Variants in GRB14 observed in about 807,000 individuals in gnomAD.
GRB14 encodes growth factor receptor bound protein 14, also known as growth factor receptor-bound protein 14.
Under a neutral mutation model 69.1 loss-of-function variants are expected in GRB14, and 38 were observed. That is an observed-to-expected ratio of 0.55 (90% CI 0.42 to 0.72). GRB14 has a LOEUF of 0.72. Ranked by LOEUF, GRB14 falls within the 30% of genes least tolerant of loss-of-function variation. GRB14 has a pLI of 0.00. For missense variants in GRB14, 666 were observed against 666.1 expected, an observed-to-expected ratio of 1.00 and a Z score of 0.00; for synonymous variants, 247 against 241.3, an observed-to-expected ratio of 1.02 and a Z score of -0.22.
At position 164,605,908 on chromosome 2, in the gene GRB14, G is replaced by A. The variant is rs190897251; in HGVS notation, c.324+13779C>T. Among the ~76,000 whole-genome samples the A allele has an allele frequency of 3.3e-3, 495 of 152,190 alleles. 3 individuals carry two copies. The highest frequency in any genetic ancestry group is 7.2e-3 in the Admixed American group (110 of 15,278). On this transcript the variant is annotated intron_variant, in intron 2 of 13. Coordinates refer to ENST00000263915, the MANE Select transcript of GRB14 (RefSeq NM_004490.3). The stretch of plus-strand genomic sequence containing the variant: ...ACAAGGAGCCACTTCCCACAGAAAT[G>A]AAAACTACACTAGCACTTCTCAAAT...
chr2:164,501,063 T>A (rs1175289478), intron 9 of GRB14, among the ~76,000 whole-genome samples: 1 of 152,122 alleles, frequency 6.6e-6, no homozygotes, highest in East Asian at 1.9e-4. Context: ...TTATTATTTT[T>A]ATATACATAT....
rs748788310 is a variant in GRB14 at position 164,567,043 on chromosome 2, T to C, written c.325-19227A>G. ...AAAGAAGAATTCAAACATGAGAACATAGACTTGATAAATGTTAATATGCCT... is the reference window on the plus strand; with the variant it reads ...AAAGAAGAATTCAAACATGAGAACACAGACTTGATAAATGTTAATATGCCT... On this transcript the variant is annotated intron_variant, in intron 2 of 13. Transcript: ENST00000263915. Among the ~76,000 whole-genome samples, 3 of 152,246 alleles carry C rather than the reference T, an allele frequency of 2.0e-5. No homozygotes were observed. In the East Asian group the frequency reaches 5.8e-4, roughly 29 times the overall value.
chr2:164,608,143 G>A (rs905071855), intron 2 of GRB14, among the ~76,000 whole-genome samples: 6 of 152,050 alleles, frequency 3.9e-5, no homozygotes, highest in East Asian at 1.9e-4. Context: ...AGGCCGAGGC[G>A]GGCAGATCAA....
chr2:164,575,557 T>A (rs1689231392), intron 2 of GRB14, among the ~76,000 whole-genome samples: 1 of 152,168 alleles, frequency 6.6e-6, no homozygotes, highest in Admixed American at 6.5e-5. Flanking sequence ...GGACATGGTA[T>A]GCAGTATATA....
chr2:164,534,474 A>G (rs1047542493), intron 3 of GRB14, among the ~76,000 whole-genome samples: 2 of 152,164 alleles, frequency 1.3e-5, no homozygotes, highest in Non-Finnish European at 2.9e-5. Flanking sequence ...AGAAAATTCA[A>G]CAGGAATATA....
At chr2:164,508,402 C>A in intron 8 of GRB14, 53 bp downstream of exon 8, 1 of 1,420,310 alleles carries the variant, frequency 7.0e-7, no homozygotes, top group African/African-American at 1.4e-5. Context: ...TATTTTCTAA[C>A]TTTTATGGTA....
At chr2:164,494,033 T>C (rs1686828338) in intron 13 of GRB14, among the ~76,000 whole-genome samples, 1 of 151,994 alleles carries the variant, frequency 6.6e-6, no homozygotes, top group Admixed American at 6.6e-5. Flanking sequence ...GCCATAGCCA[T>C]TAAAAACAAA....
At chr2:164,591,900 T>C (rs1224129498) in intron 2 of GRB14, among the ~76,000 whole-genome samples, 1 of 152,102 alleles carries the variant, frequency 6.6e-6, no homozygotes, top group Non-Finnish European at 1.5e-5. Flanking sequence ...AATTGAATCA[T>C]GGGGGCAGTT....
chr2:164,546,994 A>G (rs1688396777), intron 3 of GRB14, among the ~76,000 whole-genome samples: 1 of 152,224 alleles, frequency 6.6e-6, no homozygotes, highest in Admixed American at 6.5e-5. Context: ...GACCTTCACT[A>G]GAGCCAAGGC....
At chr2:164,502,515 C>T (rs890875045) in intron 8 of GRB14, among the ~76,000 whole-genome samples, 180 bp from the exon 9 acceptor site, 15 of 152,016 alleles carry the variant, frequency 9.9e-5, no homozygotes, top group Admixed American at 6.6e-4. Flanking sequence ...TTTAAAAAGA[C>T]AATTGAAGTC....
In GRB14 at chr2:164,497,371, T is replaced by G; in HGVS notation, c.1221+3A>C. 6.2e-7 allele frequency: 1 copy of G among 1,609,704 alleles called. No individual in the cohort carries two copies. The highest frequency in any genetic ancestry group is 1.7e-4 in the Middle Eastern group (1 of 6,038). The stretch of plus-strand genomic sequence containing the variant: ...ATTTTGAAGCATGTGAAGCTACTTG[T>G]ACCCTCCAAGCGAGTCCTTCTTCAA... On this transcript the variant is annotated splice_donor_region_variant and intron_variant, in intron 10 of 13. Transcript: ENST00000263915.
chr2:164,590,396 C>T (rs1412199149), intron 2 of GRB14, among the ~76,000 whole-genome samples: 1 of 152,128 alleles, frequency 6.6e-6, no homozygotes, highest in Non-Finnish European at 1.5e-5. Flanking sequence ...AATTACTGAG[C>T]AGTAACTATA....
intron 6 of GRB14, among the ~76,000 whole-genome samples, chr2:164,515,735 G>T (rs1245948431): frequency 6.9e-6 from 1 of 144,638 alleles, no homozygotes; most frequent in African/African-American, 2.6e-5. Flanking sequence ...GTCAGAAAAA[G>T]AATTTAGAAG....
At chr2:164,584,147 ATTTTTTTTTTTTTTTT>A (rs55883951) in intron 2 of GRB14, among the ~76,000 whole-genome samples, 5 of 49,898 alleles carry the variant, frequency 1.0e-4, no homozygotes, top group African/African-American at 2.6e-4. Context: ...CAGCCTGGCT[ATTTTTTTTTTTTTTTT>A]TTTTTTTTTT....
intron 2 of GRB14, among the ~76,000 whole-genome samples, chr2:164,576,605 T>C (rs1442305327): frequency 6.6e-6 from 1 of 151,748 alleles, no homozygotes; most frequent in Non-Finnish European, 1.5e-5. Context: ...AAATTGAAAG[T>C]GTAAAATGTC....
chr2:164,509,924 A>G (rs891362838), intron 6 of GRB14, among the ~76,000 whole-genome samples: 2 of 152,170 alleles, frequency 1.3e-5, no homozygotes, highest in African/African-American at 4.8e-5. Context: ...GATAACTGGC[A>G]GAACAAGAGT....
At chr2:164,553,725 G>C in intron 2 of GRB14, among the ~76,000 whole-genome samples, 1 of 152,134 alleles carries the variant, frequency 6.6e-6, no homozygotes, top group Non-Finnish European at 1.5e-5. Context: ...AGCACTTTGG[G>C]AGGCCAAGGC....
Position 164,492,901 on chromosome 2 carries a change from C to G in GRB14, c.*135G>C. On this transcript the variant is annotated 3_prime_UTR_variant, in exon 14 of 14. Coordinates refer to ENST00000263915, the MANE Select transcript of GRB14 (RefSeq NM_004490.3). ...CAAGTCTTTGCTTATTTGCAATGCA[C>G]AAACTATTTTTTTGTAACTTGCAGG... is the stretch of plus-strand genomic sequence containing the variant. 1.4e-6 allele frequency: 1 copy of G among 723,510 alleles called. No individual in the cohort carries two copies. 44.8% of individuals were successfully genotyped at this position (723,510 alleles called of 1,614,324 possible).
intron 9 of GRB14, 21 bp downstream of exon 9, chr2:164,502,234 G>A (rs372034728): frequency 2.3e-6 from 3 of 1,293,752 alleles, no homozygotes; most frequent in Non-Finnish European, 3.4e-6. Context: ...TAAAACACAG[G>A]CTCAAAAATT....
Sources: allele counts gnomAD v4.1 joint callset (sites outside exome capture counted in the v4.1 genomes callset), GRCh38; gene constraint gnomAD v4.1.1; transcripts MANE v1.5; gene names NCBI Gene and HGNC (gene_info 2026-07-23, HGNC 2026-07-21).